Variants in RERE observed in about 807,000 individuals in gnomAD.
RERE encodes the protein arginine-glutamic acid dipeptide repeats, also known as arginine-glutamic acid dipeptide repeats protein.
Under a neutral mutation model 146.1 loss-of-function variants are expected in RERE, and 40 were observed. The ratio of observed to expected loss-of-function variants is 0.27; its 90% CI spans 0.21 to 0.36. RERE has a LOEUF of 0.36. RERE is among the 10% of genes least tolerant of loss of function. The pLI, the probability that RERE is intolerant of heterozygous loss-of-function variation, is 1.00. For synonymous variants in RERE, 1,003 were observed against 866.0 expected (o/e 1.16, Z -2.78); for missense variants, 1,933 against 2,138.7 (o/e 0.90, Z 1.90).
chr1:8,637,361 G>A (rs1433544631), intron 2 of RERE, among the ~76,000 whole-genome samples: 3 of 152,076 alleles, frequency 2.0e-5, no homozygotes, highest in Non-Finnish European at 4.4e-5. Context: ...GTGTCTGCTG[G>A]CACTACTCAG....
intron 17 of RERE, 61 bp downstream of exon 17, chr1:8,361,702 C>T (rs1186645359): frequency 2.8e-5 from 41 of 1,473,852 alleles, no homozygotes; most frequent in South Asian, 5.8e-5. Context: ...GGGAGAACCC[C>T]GGCTGGGGGC....
chr1:8,559,083 A>C (rs1646040811), intron 4 of RERE, among the ~76,000 whole-genome samples: 1 of 151,284 alleles, frequency 6.6e-6, no homozygotes, highest in Admixed American at 6.6e-5. Context: ...TTCAAGCATG[A>C]GCCACCACGC....
intron 1 of RERE, among the ~76,000 whole-genome samples, chr1:8,742,426 T>C (rs1640327441): frequency 6.6e-6 from 1 of 152,128 alleles, no homozygotes; most frequent in Non-Finnish European, 1.5e-5. Context: ...TGGGAGGAAA[T>C]TTAGCCAAAT....
intron 11 of RERE, among the ~76,000 whole-genome samples, chr1:8,464,031 G>A (rs1303945080): frequency 6.6e-6 from 1 of 152,052 alleles, no homozygotes; most frequent in Non-Finnish European, 1.5e-5. Context: ...CACATAAACA[G>A]GCTTACAGTA....
intron 10 of RERE, among the ~76,000 whole-genome samples, chr1:8,470,064 T>G (rs975525198): frequency 1.3e-5 from 2 of 152,176 alleles, no homozygotes; most frequent in Non-Finnish European, 2.9e-5. Flanking sequence ...GTTCTCTATA[T>G]AATGGCGGAT....
rs1285019668 is a variant in RERE at position 8,369,508 on chromosome 1, T to TTAAAAA, written c.1285-3535_1285-3534insTTTTTA. On this transcript the variant is annotated intron_variant, in intron 12 of 22. Transcript: ENST00000400908. The stretch of plus-strand genomic sequence containing the variant: ...ATCGAATAAATCTTTCGCCTTTTAC[T>TTAAAAA]AAAAAAAAAAAAAAAAAAAAAAAAA... 1.6e-4 allele frequency among the ~76,000 whole-genome samples: 12 copies of TTAAAAA among 76,898 alleles called. 1 individual carries two copies. The highest frequency in any genetic ancestry group is 5.6e-4 in the South Asian group (1 of 1,776). 50.4% of individuals were successfully genotyped at this position (76,898 alleles called of 152,430 possible).
At chr1:8,780,100 G>C (rs1022418752) in intron 1 of RERE, among the ~76,000 whole-genome samples, 3 of 152,100 alleles carry the variant, frequency 2.0e-5, no homozygotes, top group African/African-American at 7.2e-5. Context: ...GCAAGATTCT[G>C]TCTCAAAAAA....
At chr1:8,530,679 C>CTTTTTTTTTTTT (rs1197212764) in intron 7 of RERE, among the ~76,000 whole-genome samples, 12 of 96,938 alleles carry the variant, frequency 1.2e-4, no homozygotes, top group African/African-American at 4.0e-4. Context: ...TTTTCGTTTT[C>CTTTTTTTTTTTT]TTTTTTTTTT....
At chr1:8,579,105 C>T (rs1646332116) in intron 4 of RERE, among the ~76,000 whole-genome samples, 2 of 152,174 alleles carry the variant, frequency 1.3e-5, no homozygotes. Context: ...CACTGTGTTC[C>T]GCTGTCTGTG....
At position 8,789,282 on chromosome 1, in the gene RERE, C is replaced by CA. The variant is rs58993452; in HGVS notation, c.-145+27877dup. ...CAACACAGCAAGACCTCCTCTCTAC[C>CA]AAAAAAAAAAAAAAAAAAAATATAT... On this transcript the variant is annotated intron_variant, in intron 1 of 22. Coordinates refer to ENST00000400908, the MANE Select transcript of RERE (RefSeq NM_001042681.2). Among the ~76,000 whole-genome samples the CA allele has an allele frequency of 3.9e-4, 15 of 38,496 alleles. 1 individual carries two copies. Among genetic ancestry groups the CA allele is most frequent in the African/African-American group, 1.5e-3 (8 of 5,396 alleles). The allele number at this position is 38,496 out of a possible 152,430, so 25.3% of individuals were successfully genotyped here.
At chr1:8,601,794 C>A (rs929870166) in intron 4 of RERE, among the ~76,000 whole-genome samples, 22 of 151,656 alleles carry the variant, frequency 1.5e-4, no homozygotes, top group Non-Finnish European at 2.9e-5. Context: ...CACACAGACA[C>A]ACATCTTCTA....
At chr1:8,572,695 AGTCCCAGTC>A (rs1305274163) in intron 4 of RERE, among the ~76,000 whole-genome samples, 3 of 152,226 alleles carry the variant, frequency 2.0e-5, no homozygotes, top group South Asian at 4.1e-4. Context: ...AAAAACAGGA[AGTCCCAGTC>A]CTGGTAGAAC....
At chr1:8,363,943 G>A (rs753603458) in intron 15 of RERE, 113 bp downstream of exon 15, 10 of 968,808 alleles carry the variant, frequency 1.0e-5, no homozygotes, top group East Asian at 1.0e-4. Flanking sequence ...TCCCCTCCAG[G>A]ACTTTGTCTG....
intron 6 of RERE, among the ~76,000 whole-genome samples, chr1:8,553,276 C>A (rs548372859): frequency 4.9e-4 from 73 of 149,910 alleles, no homozygotes; most frequent in African/African-American, 1.7e-3. Flanking sequence ...GCCAGTGCGT[C>A]CACACACACG....
intron 1 of RERE, among the ~76,000 whole-genome samples, chr1:8,708,621 C>T (rs138284807): frequency 1.3e-5 from 2 of 152,204 alleles, no homozygotes; most frequent in African/African-American, 2.4e-5. Flanking sequence ...CCACTGAACC[C>T]GGCCAATCTG....
intron 11 of RERE, among the ~76,000 whole-genome samples, chr1:8,460,023 G>T (rs1484619362): frequency 6.6e-6 from 1 of 152,056 alleles, no homozygotes; most frequent in Admixed American, 6.6e-5. Context: ...ATAACTACAA[G>T]CTCTGAGAGC....
At chr1:8,764,518 G>C (rs1254831362) in intron 1 of RERE, among the ~76,000 whole-genome samples, 1 of 152,214 alleles carries the variant, frequency 6.6e-6, no homozygotes, top group Non-Finnish European at 1.5e-5. Flanking sequence ...AGTGTGGTCA[G>C]AAAGGAAGTC....
chr1:8,395,818 A>G (rs1329834576), intron 12 of RERE, among the ~76,000 whole-genome samples: 2 of 152,188 alleles, frequency 1.3e-5, no homozygotes, highest in African/African-American at 4.8e-5. Flanking sequence ...CACAGGAGGA[A>G]GTATGAGAGG....
intron 1 of RERE, among the ~76,000 whole-genome samples, chr1:8,680,087 G>A (rs909857474): frequency 4.6e-5 from 7 of 152,156 alleles, no homozygotes; most frequent in African/African-American, 1.7e-4. Flanking sequence ...GCGGGTAGGG[G>A]TGCAAGAGAT....
Sources: allele counts gnomAD v4.1 joint callset (sites outside exome capture counted in the v4.1 genomes callset), GRCh38; gene constraint gnomAD v4.1.1; transcripts MANE v1.5; gene names NCBI Gene and HGNC (gene_info 2026-07-23, HGNC 2026-07-21).